Variants in ST6GALNAC3 observed in about 807,000 individuals in gnomAD.
ST6GALNAC3 encodes the protein alpha-N-acetylgalactosaminide alpha-2,6-sialyltransferase 3.
ST6GALNAC3 carries 25 observed loss-of-function variants against 32.7 expected under a neutral mutation model. That is an observed-to-expected ratio of 0.76 (90% CI 0.56 to 1.07). The LOEUF is 1.07. ST6GALNAC3 is among the 50% of genes least tolerant of loss of function. The pLI is 0.00. For synonymous variants in ST6GALNAC3, 129 were observed against 133.1 expected, an observed-to-expected ratio of 0.97 and a Z score of 0.21; for missense variants, 355 against 382.4, an observed-to-expected ratio of 0.93 and a Z score of 0.60.
chr1:76,090,302 A>C (rs1018297957), intron 1 of ST6GALNAC3, among the ~76,000 whole-genome samples: 10 of 152,234 alleles, frequency 6.6e-5, no homozygotes, highest in African/African-American at 2.2e-4. Context: ...TTAAGAAGAC[A>C]ATTTATTTCA....
In ST6GALNAC3 at chr1:76,323,715, T is replaced by G. The variant is rs1369079576; in HGVS notation, c.213+9716T>G. Among the ~76,000 whole-genome samples, 3 of 152,254 alleles carry G rather than the reference T, an allele frequency of 2.0e-5. No individual in the cohort carries two copies. The East Asian group carries it at 5.8e-4, about 29-fold the overall frequency. On this transcript the variant is annotated intron_variant, in intron 2 of 4. Transcript: ENST00000328299. ...ACATGTGAAAGATTATTTTAACTCT[T>G]TAAATGTAGTCATAGAAAGAAAGTT...
At chr1:76,255,825 G>C (rs1657887998) in intron 1 of ST6GALNAC3, among the ~76,000 whole-genome samples, 1 of 151,818 alleles carries the variant, frequency 6.6e-6, no homozygotes, top group African/African-American at 2.4e-5. Flanking sequence ...TTGTAAACTA[G>C]AAGAGTAGAA....
chr1:76,579,858 A>T (rs182070166), intron 3 of ST6GALNAC3, among the ~76,000 whole-genome samples: 1 of 152,182 alleles, frequency 6.6e-6, no homozygotes, highest in East Asian at 1.9e-4. Context: ...ACTTAATAAA[A>T]AGCACACTAT....
chr1:76,309,846 T>C (rs1018688678), intron 1 of ST6GALNAC3: 7 of 423,230 alleles, frequency 1.7e-5, no homozygotes, highest in Non-Finnish European at 3.3e-5. Flanking sequence ...CTCTCTGTGC[T>C]CATTACTTGG....
chr1:76,211,022 C>T (rs955270669), intron 1 of ST6GALNAC3, among the ~76,000 whole-genome samples: 3 of 152,194 alleles, frequency 2.0e-5, no homozygotes, highest in Non-Finnish European at 4.4e-5. Context: ...TTGCACCCGG[C>T]CTCTCTTCCT....
chr1:76,405,325 T>C (rs963682372), intron 2 of ST6GALNAC3, among the ~76,000 whole-genome samples: 1 of 152,134 alleles, frequency 6.6e-6, no homozygotes, highest in Admixed American at 6.6e-5. Context: ...CAAGTTTTAT[T>C]ATTTCACAAA....
intron 2 of ST6GALNAC3, among the ~76,000 whole-genome samples, chr1:76,377,627 G>T (rs1415359977): frequency 6.6e-6 from 1 of 152,182 alleles, no homozygotes; most frequent in African/African-American, 2.4e-5. Context: ...AATGAGATTT[G>T]AGTGGGGACA....
intron 1 of ST6GALNAC3, among the ~76,000 whole-genome samples, chr1:76,228,201 C>A (rs982420710): frequency 6.6e-6 from 1 of 152,140 alleles, no homozygotes; most frequent in African/African-American, 2.4e-5. Flanking sequence ...TAAAAGTGTT[C>A]TAGAACATTA....
intron 3 of ST6GALNAC3, among the ~76,000 whole-genome samples, chr1:76,551,752 T>C (rs1246254934): frequency 2.0e-5 from 3 of 152,204 alleles, no homozygotes; most frequent in African/African-American, 7.2e-5. Context: ...CATACTCTGC[T>C]GTCATATATT....
Position 76,509,892 on chromosome 1 carries a change from C to T in ST6GALNAC3, c.623+97475C>T, listed in dbSNP as rs1483342822. ...AAATTCAAGATCCTTAATTTAATTG[C>T]ACCTATGAAGTCCTTTTTGGCATGT... is the stretch of plus-strand genomic sequence containing the variant. On this transcript the variant is annotated intron_variant, in intron 3 of 4. Transcript: ENST00000328299. The surrounding 1 kb of genome is among the most constrained non-coding windows in gnomAD (Gnocchi z 5.5). Among the ~76,000 whole-genome samples the T allele has an allele frequency of 6.6e-6, 1 of 152,152 alleles. No individual in the cohort carries two copies. The highest frequency in any genetic ancestry group is 2.4e-5 in the African/African-American group (1 of 41,424).
At chr1:76,334,739 T>G (rs1297465436) in intron 2 of ST6GALNAC3, among the ~76,000 whole-genome samples, 1 of 152,120 alleles carries the variant, frequency 6.6e-6, no homozygotes, top group Non-Finnish European at 1.5e-5. Context: ...AAAGTATAAT[T>G]TAGAAAAGCA....
intron 3 of ST6GALNAC3, among the ~76,000 whole-genome samples, chr1:76,555,409 C>T (rs1037834301): frequency 6.6e-6 from 1 of 152,048 alleles, no homozygotes; most frequent in African/African-American, 2.4e-5. Flanking sequence ...TGGGTGACTC[C>T]TTCTCTTAAA....
chr1:76,111,914 C>T (rs959913740), intron 1 of ST6GALNAC3, among the ~76,000 whole-genome samples: 1 of 152,202 alleles, frequency 6.6e-6, no homozygotes, highest in Non-Finnish European at 1.5e-5. Flanking sequence ...TCCACAAAAC[C>T]GCCGTTGTCA....
intron 1 of ST6GALNAC3, among the ~76,000 whole-genome samples, chr1:76,188,008 T>A (rs941812006): frequency 6.6e-5 from 10 of 152,004 alleles, no homozygotes; most frequent in African/African-American, 2.2e-4. Context: ...AACCTGACTA[T>A]TTTTTTTCAA....
intron 1 of ST6GALNAC3, among the ~76,000 whole-genome samples, chr1:76,203,664 T>G (rs1297017222): frequency 1.3e-5 from 2 of 152,226 alleles, no homozygotes; most frequent in Non-Finnish European, 2.9e-5. Flanking sequence ...TTTATTCAGA[T>G]GGAAATAGTA....
intron 1 of ST6GALNAC3, among the ~76,000 whole-genome samples, chr1:76,130,653 A>T (rs1158740439): frequency 6.6e-6 from 1 of 152,124 alleles, no homozygotes; most frequent in Non-Finnish European, 1.5e-5. Flanking sequence ...TATTAGTGAG[A>T]TTGGTGAGGA....
At chr1:76,551,531 A>G (rs1664638101) in intron 3 of ST6GALNAC3, among the ~76,000 whole-genome samples, 2 of 151,986 alleles carry the variant, frequency 1.3e-5, no homozygotes, top group African/African-American at 4.8e-5. Context: ...TGTCAATGCC[A>G]TGTTCTTTTT....
Position 76,617,600 on chromosome 1 carries a change from G to A in ST6GALNAC3, c.624-9852G>A, listed in dbSNP as rs1471598121. Among the ~76,000 whole-genome samples the A allele has an allele frequency of 3.3e-5, 5 of 152,132 alleles. No homozygotes were observed. In the East Asian group the frequency reaches 7.7e-4, roughly 23 times the overall value. On this transcript the variant is annotated intron_variant, in intron 3 of 4. Transcript: ENST00000328299. ...GAAGAAGCAACTTTTTAAAGCTTAA[G>A]TATAAAACTAGGATGAGATCAAAGA...
chr1:76,576,912 C>CA (rs2100530047), intron 3 of ST6GALNAC3: 1 of 1,298,490 alleles, frequency 7.7e-7, no homozygotes, highest in South Asian at 1.3e-5. Flanking sequence ...TGCCCCACCA[C>CA]AAAAGGAAGG....
Sources: gnomAD v4.1 joint callset for allele counts (sites outside exome capture counted in the v4.1 genomes callset) on GRCh38, gnomAD v4.1.1 for gene constraint, Gnocchi (gnomAD v3.1) non-coding constraint, MANE v1.5 for transcripts, NCBI Gene and HGNC (gene_info 2026-07-23, HGNC 2026-07-21) for gene names.